CNTNAP5: variants seen among roughly 807,000 people sequenced by gnomAD.
CNTNAP5 encodes the protein contactin associated protein family member 5.
In CNTNAP5, 72 loss-of-function variants were observed where a neutral mutation model predicts 150.2. That is an observed-to-expected ratio of 0.48 (90% CI 0.40 to 0.58). The LOEUF (loss-of-function observed/expected upper bound fraction) is 0.58. Among genes scored for constraint, CNTNAP5 ranks in the 20% least tolerant of loss-of-function variants. CNTNAP5 has a pLI of 0.00. For missense variants in CNTNAP5, 1,636 were observed against 1,626.2 expected (o/e 1.01, Z -0.10); for synonymous variants, 672 against 619.8 (o/e 1.08, Z -1.25).
At chr2:124,215,711 G>GAAAAA (rs1686138548) in intron 1 of CNTNAP5, among the ~76,000 whole-genome samples, 1 of 35,312 alleles carries the variant, frequency 2.8e-5, no homozygotes, top group Non-Finnish European at 6.2e-5. Context: ...TAGAAGAAAG[G>GAAAAA]CAAAAAAAAA....
At chr2:124,321,879 G>A (rs941840509) in intron 3 of CNTNAP5, among the ~76,000 whole-genome samples, 1 of 152,134 alleles carries the variant, frequency 6.6e-6, no homozygotes, top group Non-Finnish European at 1.5e-5. Flanking sequence ...GCCAGGTGAG[G>A]TGGCTCACGC....
chr2:124,853,831 C>A (rs1677284704), intron 19 of CNTNAP5, among the ~76,000 whole-genome samples: 1 of 152,130 alleles, frequency 6.6e-6, no homozygotes, highest in Non-Finnish European at 1.5e-5. Flanking sequence ...CACGTAGGCC[C>A]TGGCATCTTT....
intron 2 of CNTNAP5, among the ~76,000 whole-genome samples, chr2:124,237,605 G>T (rs1412752247): frequency 6.6e-6 from 1 of 152,148 alleles, no homozygotes; most frequent in Non-Finnish European, 1.5e-5. Context: ...AGGCTGAGAT[G>T]GGGGGTGGAT....
intron 12 of CNTNAP5, among the ~76,000 whole-genome samples, chr2:124,619,842 CATATATATATATATATATATAT>C (rs58774096): frequency 0.078 from 7,661 of 98,404 alleles, 517 homozygotes; most frequent in African/African-American, 0.21. Flanking sequence ...CTGTCTCATT[CATATATATATATATATATATAT>C]ATATATATAT....
chr2:124,646,068 C>A (rs527847565), intron 12 of CNTNAP5, among the ~76,000 whole-genome samples: 1 of 152,280 alleles, frequency 6.6e-6, no homozygotes, highest in East Asian at 1.9e-4. Flanking sequence ...GAGATTTGGG[C>A]AGGGACAAAT....
chr2:124,800,720 C>G (rs1183139852), intron 19 of CNTNAP5, among the ~76,000 whole-genome samples: 1 of 152,144 alleles, frequency 6.6e-6, no homozygotes, highest in Non-Finnish European at 1.5e-5. Context: ...GCTGCCTGAT[C>G]CCATAGGCAT....
intron 13 of CNTNAP5, among the ~76,000 whole-genome samples, chr2:124,676,671 C>A (rs1307493032): frequency 6.6e-6 from 1 of 152,182 alleles, no homozygotes; most frequent in African/African-American, 2.4e-5. Context: ...CCTTGCATAG[C>A]TGTTAGGCTA....
At chr2:124,464,989 TATCAGATATTCAA>T (rs148781490) in intron 6 of CNTNAP5, among the ~76,000 whole-genome samples, 3,301 of 152,090 alleles carry the variant, frequency 0.022, 73 homozygotes, top group South Asian at 0.054. Flanking sequence ...ACTTCAAAAG[TATCAGATATTCAA>T]GTCAGATACA....
chr2:124,441,249 G>A (rs1379792373), intron 5 of CNTNAP5, among the ~76,000 whole-genome samples: 1 of 151,990 alleles, frequency 6.6e-6, no homozygotes, highest in African/African-American at 2.4e-5. Flanking sequence ...ATTCCCAAGA[G>A]ACTCAATAAT....
At chr2:124,208,910 C>A (rs1293124023) in intron 1 of CNTNAP5, among the ~76,000 whole-genome samples, 1 of 152,142 alleles carries the variant, frequency 6.6e-6, no homozygotes, top group African/African-American at 2.4e-5. Flanking sequence ...TTTGTACCAA[C>A]CACTTTTGTC....
intron 1 of CNTNAP5, among the ~76,000 whole-genome samples, chr2:124,072,658 C>T (rs916965654): frequency 2.6e-5 from 4 of 151,268 alleles, no homozygotes; most frequent in Admixed American, 2.6e-4. Flanking sequence ...TAGGAATCAA[C>T]CAGAAAATGA....
At chr2:124,742,965 C>T (rs1365834357) in intron 13 of CNTNAP5, among the ~76,000 whole-genome samples, 2 of 152,084 alleles carry the variant, frequency 1.3e-5, no homozygotes, top group Non-Finnish European at 2.9e-5. Context: ...AGGAGCTGGC[C>T]TCACAAATCC....
chr2:124,670,217 CTTTCTTTCTTTCTTTCTTTCT>C lies in CNTNAP5; in HGVS notation c.2077+22278_2077+22298del, dbSNP rs796414679. ...TTTCTCTCTCTTTCCTTCTTTCCCT[CTTTCTTTCTTTCTTTCTTTCT>C]TTTCTTTCTTTCTTTCTTAAGAGTT... is the stretch of plus-strand genomic sequence containing the variant. On this transcript the variant is annotated intron_variant, in intron 13 of 23. Coordinates refer to ENST00000682447, the MANE Select transcript of CNTNAP5 (RefSeq NM_001367498.1). 1.8e-4 allele frequency among the ~76,000 whole-genome samples: 6 copies of C among 33,614 alleles called. 1 individual carries two copies. Among genetic ancestry groups the C allele is most frequent in the African/African-American group, 1.2e-3 (6 of 4,896 alleles). 22.1% of individuals were successfully genotyped at this position (33,614 alleles called of 152,430 possible).
chr2:124,747,193 G>T (rs1253336171), intron 13 of CNTNAP5, 36 bp from the exon 14 acceptor site: 1 of 1,601,242 alleles, frequency 6.2e-7, no homozygotes, highest in East Asian at 2.3e-5. Flanking sequence ...CTTCAGGCTT[G>T]CCCTACCCTG....
At chr2:124,281,173 A>C (rs983826461) in intron 3 of CNTNAP5, among the ~76,000 whole-genome samples, 1 of 152,174 alleles carries the variant, frequency 6.6e-6, no homozygotes, top group Non-Finnish European at 1.5e-5. Flanking sequence ...TTGTCAAGTC[A>C]GTTTAAGAGA....
intron 14 of CNTNAP5, among the ~76,000 whole-genome samples, chr2:124,758,224 A>G (rs1461368248): frequency 2.6e-5 from 4 of 152,278 alleles, no homozygotes; most frequent in African/African-American, 9.6e-5. Flanking sequence ...GGGAGGAAGT[A>G]AGAAAGAAAT....
At chr2:124,773,557 C>T (rs1036818585) in intron 17 of CNTNAP5, among the ~76,000 whole-genome samples, 6 of 152,160 alleles carry the variant, frequency 3.9e-5, no homozygotes, top group African/African-American at 1.2e-4. Flanking sequence ...TGGGGATCAA[C>T]CTGCCACAGG....
intron 1 of CNTNAP5, among the ~76,000 whole-genome samples, chr2:124,082,199 A>G (rs1032055317): frequency 6.6e-6 from 1 of 152,018 alleles, no homozygotes; most frequent in Admixed American, 6.6e-5. Context: ...AATACAAAAA[A>G]TTAGCCAGGC....
At chr2:124,831,066 T>G (rs1682707110) in intron 19 of CNTNAP5, among the ~76,000 whole-genome samples, 1 of 152,058 alleles carries the variant, frequency 6.6e-6, no homozygotes, top group Non-Finnish European at 1.5e-5. Flanking sequence ...AAATTTTGTT[T>G]TGTTTTAATA....
Sources: gnomAD v4.1 joint callset for allele counts (sites outside exome capture counted in the v4.1 genomes callset) on GRCh38, gnomAD v4.1.1 for gene constraint, MANE v1.5 for transcripts, NCBI Gene and HGNC (gene_info 2026-07-23, HGNC 2026-07-21) for gene names.